Variants in MAML2 observed in about 807,000 individuals in gnomAD.
MAML2 encodes the protein mastermind like transcriptional coactivator 2, also known as mastermind-like protein 2.
MAML2 carries 22 observed loss-of-function variants against 96.1 expected under a neutral mutation model. The observed-to-expected ratio is 0.23, with a 90% CI of 0.16 to 0.33. The LOEUF (loss-of-function observed/expected upper bound fraction) is 0.33. Ranked by LOEUF, MAML2 falls within the 10% of genes least tolerant of loss-of-function variation. MAML2 has a pLI of 1.00. For missense variants in MAML2, 1,367 were observed against 1,392.4 expected (o/e 0.98, Z 0.29); for synonymous variants, 561 against 521.3 (o/e 1.08, Z -1.04).
intron 2 of MAML2, among the ~76,000 whole-genome samples, chr11:96,043,181 A>G (rs529568913): frequency 6.6e-6 from 1 of 152,336 alleles, no homozygotes; most frequent in Admixed American, 6.5e-5. Context: ...GGAAGGACCA[A>G]CAGCTAATAC....
Position 96,216,761 on chromosome 11 carries a change from C to T in MAML2, c.514-123244G>A, listed in dbSNP as rs187374539. 2.0e-4 allele frequency among the ~76,000 whole-genome samples: 31 copies of T among 152,296 alleles called. No individual in the cohort carries two copies. In the East Asian group the frequency reaches 4.6e-3, roughly 23 times the overall value. On this transcript the variant is annotated intron_variant, in intron 1 of 4. Transcript: ENST00000524717. ...AGGGAAGCAACTGATTAGAAGCCAA[C>T]GTAATGTGTTTTCTCACAGAGGGTG...
At chr11:95,985,327 T>C (rs748095021) in intron 4 of MAML2, among the ~76,000 whole-genome samples, 11 of 152,272 alleles carry the variant, frequency 7.2e-5, no homozygotes, top group South Asian at 2.1e-4. Flanking sequence ...AGTGGTGAAA[T>C]ATGTGAGTAC....
At chr11:96,281,437 C>T (rs896160549) in intron 1 of MAML2, among the ~76,000 whole-genome samples, 9 of 152,050 alleles carry the variant, frequency 5.9e-5, no homozygotes, top group South Asian at 2.1e-4. Flanking sequence ...AGGAATGGGG[C>T]TGCAAAAGGC....
At chr11:96,068,272 A>G (rs1048484312) in intron 2 of MAML2, among the ~76,000 whole-genome samples, 1 of 152,158 alleles carries the variant, frequency 6.6e-6, no homozygotes, top group African/African-American at 2.4e-5. Flanking sequence ...CTCTACTACA[A>G]TAATTGACCT....
intron 2 of MAML2, among the ~76,000 whole-genome samples, chr11:96,040,782 A>G (rs1387310050): frequency 2.0e-5 from 3 of 152,182 alleles, no homozygotes; most frequent in Non-Finnish European, 2.9e-5. Context: ...AAAACAAAAC[A>G]AAAGAAACCT....
At chr11:96,065,282 C>T (rs1349727128) in intron 2 of MAML2, among the ~76,000 whole-genome samples, 1 of 152,102 alleles carries the variant, frequency 6.6e-6, no homozygotes, top group African/African-American at 2.4e-5. Flanking sequence ...TTGTAATATA[C>T]CCAGGATAGC....
chr11:96,025,121 C>T (rs761758836), intron 2 of MAML2, among the ~76,000 whole-genome samples: 2 of 152,138 alleles, frequency 1.3e-5, no homozygotes, highest in Non-Finnish European at 2.9e-5. Context: ...CAGCACTATT[C>T]ACAATAGTAA....
intron 1 of MAML2, among the ~76,000 whole-genome samples, chr11:96,303,792 C>G (rs1371094438): frequency 6.6e-6 from 1 of 152,188 alleles, no homozygotes; most frequent in Non-Finnish European, 1.5e-5. Flanking sequence ...CTGGCGCCCA[C>G]AAAAGGCTGG....
intron 1 of MAML2, among the ~76,000 whole-genome samples, chr11:96,251,824 C>T (rs1176590591): frequency 2.6e-5 from 4 of 151,790 alleles, no homozygotes; most frequent in Non-Finnish European, 4.4e-5. Flanking sequence ...CTCCGCCTCC[C>T]AGGTTCACGC....
chr11:96,146,071 T>C lies in MAML2; in HGVS notation c.514-52554A>G, dbSNP rs1565228366. Among the ~76,000 whole-genome samples the C allele has an allele frequency of 2.6e-5, 4 of 152,242 alleles. No homozygotes were observed. The South Asian group carries it at 8.3e-4, about 31-fold the overall frequency. ...CACACAAACATTGTGACATGCAGTATGATCACATAAAATATGGATGATTTT... is the reference window on the plus strand; with the variant it reads ...CACACAAACATTGTGACATGCAGTACGATCACATAAAATATGGATGATTTT... On this transcript the variant is annotated intron_variant, in intron 1 of 4. Coordinates refer to ENST00000524717, the MANE Select transcript of MAML2 (RefSeq NM_032427.4).
chr11:96,126,568 C>CA (rs935912101), intron 1 of MAML2, among the ~76,000 whole-genome samples: 2 of 151,776 alleles, frequency 1.3e-5, no homozygotes, highest in Admixed American at 6.6e-5. Flanking sequence ...TCTCACAAAA[C>CA]AAAAAAATAG....
intron 1 of MAML2, among the ~76,000 whole-genome samples, chr11:96,107,846 G>A (rs1421024623): frequency 2.0e-5 from 3 of 152,170 alleles, no homozygotes; most frequent in Admixed American, 1.3e-4. Flanking sequence ...TAGAGGTAGG[G>A]CACCCAGGGA....
At chr11:96,149,445 T>C (rs2135875681) in intron 1 of MAML2, among the ~76,000 whole-genome samples, 1 of 108,184 alleles carries the variant, frequency 9.2e-6, no homozygotes, top group East Asian at 2.6e-4. Context: ...AGAAGTTAAG[T>C]TTTCAGCCAG....
chr11:96,162,629 T>G (rs901029353), intron 1 of MAML2, among the ~76,000 whole-genome samples: 1 of 150,528 alleles, frequency 6.6e-6, no homozygotes, highest in African/African-American at 2.5e-5. Context: ...GAGAATCGCT[T>G]GAACCCGAGA....
intron 1 of MAML2, among the ~76,000 whole-genome samples, chr11:96,115,392 A>G (rs929100366): frequency 6.6e-6 from 1 of 151,486 alleles, no homozygotes; most frequent in African/African-American, 2.4e-5. Context: ...GCTGGTCGTG[A>G]ACTCTTGGTC....
Position 95,991,423 on chromosome 11 carries a change from G to C in MAML2, c.2343+97C>G, listed in dbSNP as rs1857909771. ...TTACAGTCAGCACACCTTTGTTGCT[G>C]TCACGTAAGTAGGCACAGTAAATAT... On this transcript the variant is annotated intron_variant, in intron 3 of 4. Transcript: ENST00000524717. 4 of 1,119,104 alleles carry C rather than the reference G, an allele frequency of 3.6e-6. No individual in the cohort carries two copies. The Admixed American group carries it at 5.2e-5, about 14-fold the overall frequency. 69.3% of individuals were successfully genotyped at this position (1,119,104 alleles called of 1,614,324 possible).
intron 1 of MAML2, among the ~76,000 whole-genome samples, chr11:96,284,792 C>A (rs1161726219): frequency 6.6e-6 from 1 of 152,156 alleles, no homozygotes; most frequent in Non-Finnish European, 1.5e-5. Context: ...CATAAATATT[C>A]CTCTCCCATG....
At chr11:96,009,963 G>A (rs1858242025) in intron 2 of MAML2, among the ~76,000 whole-genome samples, 3 of 152,166 alleles carry the variant, frequency 2.0e-5, no homozygotes, top group Non-Finnish European at 4.4e-5. Context: ...TAAGGCGTGG[G>A]TTATGAAAAG....
At chr11:96,272,568 C>T (rs1020201280) in intron 1 of MAML2, among the ~76,000 whole-genome samples, 6 of 152,076 alleles carry the variant, frequency 3.9e-5, no homozygotes, top group African/African-American at 1.4e-4. Flanking sequence ...AGAAGCAGCC[C>T]ACCAGATTTA....
Sources: gnomAD v4.1 joint callset for allele counts (sites outside exome capture counted in the v4.1 genomes callset) on GRCh38, gnomAD v4.1.1 for gene constraint, MANE v1.5 for transcripts, NCBI Gene and HGNC (gene_info 2026-07-23, HGNC 2026-07-21) for gene names.